Variants in HOXD4 observed in about 807,000 individuals in gnomAD.
The protein encoded by HOXD4 is homeobox protein Hox-D4.
In HOXD4, 15 loss-of-function variants were observed where a neutral mutation model predicts 22.6. That is an observed-to-expected ratio of 0.67 (90% confidence interval 0.45 to 1.02). The LOEUF is 1.02. Ranked by LOEUF, HOXD4 falls within the 50% of genes least tolerant of loss-of-function variation. HOXD4 has a pLI of 0.00. For missense variants in HOXD4, 350 were observed against 346.6 expected, an observed-to-expected ratio of 1.01 and a Z score of -0.08; for synonymous variants, 176 against 157.0, an observed-to-expected ratio of 1.12 and a Z score of -0.90.
rs1690577246 is a variant in HOXD4, at chr2:176,153,069, C to A, written c.*127C>A. 7.2e-6 allele frequency: 6 copies of A among 832,000 alleles called. No homozygotes were observed. The highest frequency in any genetic ancestry group is 1.2e-5 in the Non-Finnish European group (6 of 518,530). The allele number at this position is 832,000 out of a possible 1,614,324, so 51.5% of individuals were successfully genotyped here. On this transcript the variant is annotated 3_prime_UTR_variant, in exon 2 of 2. Transcript: ENST00000306324. ...TGGGGTGGACCTGGGACAAGCAGGC[C>A]GCCCTCGGACTAGGTTAGCATCCTG...
chr2:176,152,027 G>A lies in HOXD4; in HGVS notation c.394G>A (p.Val132Met), dbSNP rs758609539. The change falls in exon 1 of 2, where the codon GTG becomes ATG. Residue 132 changes from valine (V) to methionine (M), a missense_variant. Transcript: ENST00000306324. This position sits in a 1 kb window ranked among gnomAD's most constrained non-coding sequence, Gnocchi z 5.2. ...PSGTALKQPA[V>M]VYPWMKKVHV... ...CGGGACGGCACTCAAGCAGCCGGCCGTGGTCTACCCCTGGATGAAGAAGGT... is the reference window on the plus strand; with the variant it reads ...CGGGACGGCACTCAAGCAGCCGGCCATGGTCTACCCCTGGATGAAGAAGGT... 2 of 1,613,572 alleles carry A rather than the reference G, an allele frequency of 1.2e-6. No individual in the cohort carries two copies. The highest frequency in any genetic ancestry group is 1.7e-6 in the Non-Finnish European group (2 of 1,179,890).
At position 176,151,597 on chromosome 2, in the gene HOXD4, C is replaced by T. The variant is rs1690519100; in HGVS notation, c.-37C>T. ...CCTATGGAAGGAGAAAAAAAGACAA[C>T]ACGAGAAAAATTAGTATTTTCTACC... On this transcript the variant is annotated 5_prime_UTR_variant, in exon 1 of 2. Transcript: ENST00000306324. 1.3e-6 allele frequency: 2 copies of T among 1,570,886 alleles called. No homozygotes were observed. The highest frequency in any genetic ancestry group is 2.2e-5 in the East Asian group (1 of 44,668).
In HOXD4 at chr2:176,151,593, A is replaced by G. The variant is rs1449712017; in HGVS notation, c.-41A>G. The G allele has an allele frequency of 1.9e-6, 3 of 1,562,976 alleles. No individual in the cohort carries two copies. The African/African-American group carries it at 4.1e-5, about 21-fold the overall frequency. ...GGGCCCTATGGAAGGAGAAAAAAAG[A>G]CAACACGAGAAAAATTAGTATTTTC... On this transcript the variant is annotated 5_prime_UTR_variant, in exon 1 of 2. Coordinates refer to ENST00000306324, the MANE Select transcript of HOXD4 (RefSeq NM_014621.3).
In HOXD4 at chr2:176,151,748, G is replaced by C. The variant is rs1276336204; in HGVS notation, c.115G>C (p.Gly39Arg). Residue 39 changes from glycine (G) to arginine (R), a missense_variant, in exon 1 of 2, where the codon GGC becomes CGC. Coordinates refer to ENST00000306324, the MANE Select transcript of HOXD4 (RefSeq NM_014621.3). ...LGEQGADYYG[G>R]GAQGADFQPP... ...CGAGCAGGGCGCCGACTACTACGGC[G>C]GCGGCGCGCAGGGCGCAGACTTCCA... 6.8e-6 allele frequency: 11 copies of C among 1,612,918 alleles called. No homozygotes were observed. The highest frequency in any genetic ancestry group is 1.7e-5 in the Admixed American group (1 of 60,002).
rs763138953 is a variant in HOXD4 at position 176,153,136 on chromosome 2, G to A, written c.*194G>A. The A allele has an allele frequency of 1.4e-5, 7 of 514,216 alleles. No homozygotes were observed. The highest frequency in any genetic ancestry group is 8.0e-5 in the South Asian group (4 of 49,830). The allele number at this position is 514,216 out of a possible 1,614,324, so 31.9% of individuals were successfully genotyped here. ...TCCCTAGAGCGGGATGGGGATGGGA[G>A]GGGGGGCGGGATTCTCTCTCTAAGT... On this transcript the variant is annotated 3_prime_UTR_variant, in exon 2 of 2. Transcript: ENST00000306324.
At position 176,152,123 on chromosome 2, in the gene HOXD4, C is replaced by T. The variant is rs1690544358; in HGVS notation, c.433+57C>T. On this transcript the variant is annotated intron_variant, in intron 1 of 1. Coordinates refer to ENST00000306324, the MANE Select transcript of HOXD4 (RefSeq NM_014621.3). This position sits in a 1 kb window ranked among gnomAD's most constrained non-coding sequence, Gnocchi z 5.2. ...ACATCCCAGCCCGTTAGCCTGGGTC[C>T]TCTGGAAGGGGGTGCGAGTAGGTGG... 4.1e-6 allele frequency: 6 copies of T among 1,469,918 alleles called. No individual in the cohort carries two copies. Among genetic ancestry groups the T allele is most frequent in the Non-Finnish European group, 4.8e-6 (5 of 1,051,302 alleles). 91.1% of individuals were successfully genotyped at this position (1,469,918 alleles called of 1,614,324 possible).
In HOXD4 at chr2:176,152,905, T is replaced by C; in HGVS notation, c.731T>C (p.Met244Thr). The C allele has an allele frequency of 6.2e-7, 1 of 1,614,200 alleles. No homozygotes were observed. The highest frequency in any genetic ancestry group is 8.5e-7 in the Non-Finnish European group (1 of 1,180,032). ...GCCCCCAGCCAGCATTTACAGCCGA[T>C]GGCCAAAGACCACCACACGGACCTG... Reference protein sequence around the residue: ...SVAPSQHLQPMAKDHHTDLTT... With the variant: ...SVAPSQHLQPTAKDHHTDLTT... The change falls in exon 2 of 2, where the codon ATG (methionine) becomes ACG (threonine). Residue 244 changes from methionine (M) to threonine (T), a missense_variant. Coordinates refer to ENST00000306324, the MANE Select transcript of HOXD4 (RefSeq NM_014621.3). This position sits in a 1 kb window ranked among gnomAD's most constrained non-coding sequence, Gnocchi z 5.2.
chr2:176,152,947 G>A lies in HOXD4; in HGVS notation c.*5G>A. Reference sequence around the variant, plus strand: ...ACGGACCTGACGACCTTATAGAAGTGGGGACCCTGGGCCCATCTCTCCCTG... The same window carrying A: ...ACGGACCTGACGACCTTATAGAAGTAGGGACCCTGGGCCCATCTCTCCCTG... On this transcript the variant is annotated 3_prime_UTR_variant, in exon 2 of 2. Coordinates refer to ENST00000306324, the MANE Select transcript of HOXD4 (RefSeq NM_014621.3). This position sits in a 1 kb window ranked among gnomAD's most constrained non-coding sequence, Gnocchi z 5.2. The A allele has an allele frequency of 1.2e-6, 2 of 1,613,714 alleles. No homozygotes were observed. Among genetic ancestry groups the A allele is most frequent in the Non-Finnish European group, 1.7e-6 (2 of 1,179,624 alleles).
In HOXD4 at chr2:176,152,554, G is replaced by C; in HGVS notation, c.434-54G>C. Reference sequence around the variant, plus strand: ...AGGAAGTGAGCGGCGGAGGCGAGGGGCCTAACTAGTGGCCGGGCGCTGACC... The same window carrying C: ...AGGAAGTGAGCGGCGGAGGCGAGGGCCCTAACTAGTGGCCGGGCGCTGACC... On this transcript the variant is annotated intron_variant, in intron 1 of 1. Transcript: ENST00000306324. The surrounding 1 kb of genome is among the most constrained non-coding windows in gnomAD (Gnocchi z 5.2). The C allele has an allele frequency of 6.9e-7, 1 of 1,450,382 alleles. No homozygotes were observed. The highest frequency in any genetic ancestry group is 9.7e-7 in the Non-Finnish European group (1 of 1,033,820). The allele number at this position is 1,450,382 out of a possible 1,614,324, so 89.8% of individuals were successfully genotyped here. A position where few individuals can be genotyped will look rare whatever the true frequency, so the allele number is the denominator to read the frequency against.
Position 176,152,109 on chromosome 2 carries a change from C to A in HOXD4, c.433+43C>A. On this transcript the variant is annotated intron_variant, in intron 1 of 1. Coordinates refer to ENST00000306324, the MANE Select transcript of HOXD4 (RefSeq NM_014621.3). The surrounding 1 kb of genome is among the most constrained non-coding windows in gnomAD (Gnocchi z 5.2). ...TAACCTTTCTGTCCACATCCCAGCC[C>A]GTTAGCCTGGGTCCTCTGGAAGGGG... 4 of 1,552,848 alleles carry A rather than the reference C, an allele frequency of 2.6e-6. No homozygotes were observed. Among genetic ancestry groups the A allele is most frequent in the South Asian group, 1.1e-5 (1 of 89,474 alleles).
Position 176,152,188 on chromosome 2 carries a change from C to A in HOXD4, c.433+122C>A. 1 of 737,582 alleles carries A rather than the reference C, an allele frequency of 1.4e-6. No individual in the cohort carries two copies. The highest frequency in any genetic ancestry group is 2.3e-6 in the Non-Finnish European group (1 of 443,014). The allele number at this position is 737,582 out of a possible 1,614,324, so 45.7% of individuals were successfully genotyped here. ...TCCATGGGCGCCGCAATTACTCTCC[C>A]CATAAATTTTTATAGCTGAGGGAGC... On this transcript the variant is annotated intron_variant, in intron 1 of 1. Transcript: ENST00000306324. The surrounding 1 kb of genome is among the most constrained non-coding windows in gnomAD (Gnocchi z 5.2).
chr2:176,151,719 T>A lies in HOXD4; in HGVS notation c.86T>A (p.Leu29Gln). The change falls in exon 1 of 2, where the codon CTA becomes CAA. Residue 29 changes from leucine to glutamine, a missense_variant. Transcript: ENST00000306324. Reference protein sequence around the residue: ...PCEEYLQGGYLGEQGADYYGG... With the variant: ...PCEEYLQGGYQGEQGADYYGG... Reference sequence around the variant, plus strand: ...GAGGAGTATTTGCAGGGCGGCTACCTAGGCGAGCAGGGCGCCGACTACTAC... The same window carrying A: ...GAGGAGTATTTGCAGGGCGGCTACCAAGGCGAGCAGGGCGCCGACTACTAC... 5 of 1,613,498 alleles carry A rather than the reference T, an allele frequency of 3.1e-6. No individual in the cohort carries two copies. Among genetic ancestry groups the A allele is most frequent in the Non-Finnish European group, 4.2e-6 (5 of 1,179,970 alleles).
At position 176,152,984 on chromosome 2, in the gene HOXD4, G is replaced by A; in HGVS notation, c.*42G>A. The A allele has an allele frequency of 6.3e-7, 1 of 1,591,390 alleles. No individual in the cohort carries two copies. The highest frequency in any genetic ancestry group is 2.2e-5 in the East Asian group (1 of 44,722). Reference sequence around the variant, plus strand: ...CCCATCTCTCCCTGCGCACCAGGCTGAGCCGAAGCTGCGGGGGCAGGCCGG... The same window carrying A: ...CCCATCTCTCCCTGCGCACCAGGCTAAGCCGAAGCTGCGGGGGCAGGCCGG... On this transcript the variant is annotated 3_prime_UTR_variant, in exon 2 of 2. Coordinates refer to ENST00000306324, the MANE Select transcript of HOXD4 (RefSeq NM_014621.3). This position sits in a 1 kb window ranked among gnomAD's most constrained non-coding sequence, Gnocchi z 5.2.
At position 176,152,882 on chromosome 2, in the gene HOXD4, C is replaced by T. The variant is rs904525756; in HGVS notation, c.708C>T (p.Ala236=). 1.9e-6 allele frequency: 3 copies of T among 1,614,086 alleles called. No homozygotes were observed. Among genetic ancestry groups the T allele is most frequent in the African/African-American group, 1.3e-5 (1 of 74,912 alleles). ...CCTCATCTTGCTCCTCCTCAGTCGC[C>T]CCCAGCCAGCATTTACAGCCGATGG... ...SSSSSCSSSV[A]PSQHLQPMAK... is the part of the protein sequence containing the mutation. The change falls in exon 2 of 2, where the codon GCC becomes GCT. Residue 236 remains alanine (A), a synonymous_variant. Transcript: ENST00000306324. This position sits in a 1 kb window ranked among gnomAD's most constrained non-coding sequence, Gnocchi z 5.2.
Position 176,152,090 on chromosome 2 carries a change from T to A in HOXD4, c.433+24T>A, listed in dbSNP as rs774088620. 2.5e-6 allele frequency: 4 copies of A among 1,601,980 alleles called. No individual in the cohort carries two copies. In the East Asian group the frequency reaches 8.9e-5, roughly 36 times the overall value. On this transcript the variant is annotated intron_variant, in intron 1 of 1. Transcript: ENST00000306324. This position sits in a 1 kb window ranked among gnomAD's most constrained non-coding sequence, Gnocchi z 5.2. ...GGGTAAGGCTAGGGTCCAGTAACCT[T>A]TCTGTCCACATCCCAGCCCGTTAGC... is the stretch of plus-strand genomic sequence containing the variant.
rs1392459131 is a variant in HOXD4 at position 176,151,596 on chromosome 2, A to G, written c.-38A>G. 1 of 1,572,854 alleles carries G rather than the reference A, an allele frequency of 6.4e-7. No homozygotes were observed. The highest frequency in any genetic ancestry group is 2.2e-5 in the East Asian group (1 of 44,670). Reference sequence around the variant, plus strand: ...CCCTATGGAAGGAGAAAAAAAGACAACACGAGAAAAATTAGTATTTTCTAC... The same window carrying G: ...CCCTATGGAAGGAGAAAAAAAGACAGCACGAGAAAAATTAGTATTTTCTAC... On this transcript the variant is annotated 5_prime_UTR_variant, in exon 1 of 2. Transcript: ENST00000306324.
In HOXD4 at chr2:176,152,603, C is replaced by G. The variant is rs895888531; in HGVS notation, c.434-5C>G. ...CCTGCCTGTCCTGTCTGTTTTGTCT[C>G]GCAGTGAACCCCAACTACACCGGTG... is the stretch of plus-strand genomic sequence containing the variant. On this transcript the variant is annotated splice_polypyrimidine_tract_variant and splice_region_variant and intron_variant, in intron 1 of 1. Transcript: ENST00000306324. The surrounding 1 kb of genome is among the most constrained non-coding windows in gnomAD (Gnocchi z 5.2). The G allele has an allele frequency of 1.4e-5, 23 of 1,612,676 alleles. No individual in the cohort carries two copies. Among genetic ancestry groups the G allele is most frequent in the Non-Finnish European group, 2.0e-5 (23 of 1,178,966 alleles).
chr2:176,151,936 G>T lies in HOXD4; in HGVS notation c.303G>T (p.Ala101=). 1 of 1,607,352 alleles carries T rather than the reference G, an allele frequency of 6.2e-7. No homozygotes were observed. Among genetic ancestry groups the T allele is most frequent in the East Asian group, 2.2e-5 (1 of 44,720 alleles). Residue 101 remains alanine, a synonymous_variant, in exon 1 of 2, where the codon GCG becomes GCT. Transcript: ENST00000306324. ...APGEPCPAPP[A]PPPAPLPGAR... The stretch of plus-strand genomic sequence containing the variant: ...GAGAGCCTTGCCCAGCTCCCCCGGC[G>T]CCTCCGCCGGCGCCCCTGCCTGGCG...
At position 176,152,972 on chromosome 2, in the gene HOXD4, G is replaced by C. The variant is rs369247267; in HGVS notation, c.*30G>C. 1.8e-4 allele frequency: 290 copies of C among 1,604,028 alleles called. No individual in the cohort carries two copies. Among genetic ancestry groups the C allele is most frequent in the Non-Finnish European group, 2.3e-4 (270 of 1,171,002 alleles). ...GGGGACCCTGGGCCCATCTCTCCCT[G>C]CGCACCAGGCTGAGCCGAAGCTGCG... On this transcript the variant is annotated 3_prime_UTR_variant, in exon 2 of 2. Coordinates refer to ENST00000306324, the MANE Select transcript of HOXD4 (RefSeq NM_014621.3). The surrounding 1 kb of genome is among the most constrained non-coding windows in gnomAD (Gnocchi z 5.2).
Sources: allele counts gnomAD v4.1 joint callset, GRCh38; gene constraint gnomAD v4.1.1; non-coding constraint Gnocchi (gnomAD v3.1); transcripts MANE v1.5; gene names NCBI Gene and HGNC (gene_info 2026-07-23, HGNC 2026-07-21).